RTN4: variants seen among roughly 807,000 people sequenced by gnomAD.
The protein encoded by RTN4 is reticulon-4.
A neutral mutation model predicts 90.4 loss-of-function variants in RTN4; 32 were observed. That is an observed-to-expected ratio of 0.35 (90% CI 0.27 to 0.48). The LOEUF is 0.48. Among genes scored for constraint, RTN4 ranks in the 20% least tolerant of loss-of-function variants. The pLI, the probability that RTN4 is intolerant of heterozygous loss-of-function variation, is 0.99. For missense variants in RTN4, 1,706 were observed against 1,430.2 expected (o/e 1.19, Z -3.11); for synonymous variants, 629 against 552.5 (o/e 1.14, Z -1.94).
chr2:55,044,026 T>A (rs2104952389), intron 1 of RTN4, among the ~76,000 whole-genome samples: 1 of 152,064 alleles, frequency 6.6e-6, no homozygotes, highest in East Asian at 1.9e-4. Flanking sequence ...CGAAACCCTA[T>A]CTGCACGAAA....
At chr2:55,032,342 G>C (rs1337655630) in intron 1 of RTN4, among the ~76,000 whole-genome samples, 1 of 152,122 alleles carries the variant, frequency 6.6e-6, no homozygotes, top group Non-Finnish European at 1.5e-5. Flanking sequence ...GCTTCCCAAA[G>C]TGCTGGAATT....
At chr2:54,984,745 C>T (rs1678412605) in intron 4 of RTN4, among the ~76,000 whole-genome samples, 1 of 152,148 alleles carries the variant, frequency 6.6e-6, no homozygotes, top group African/African-American at 2.4e-5. Flanking sequence ...AAAAACTGTC[C>T]AACAAGCTTA....
At position 55,027,123 on chromosome 2, in the gene RTN4, T is replaced by G. The variant is rs142398245; in HGVS notation, c.976A>C (p.Lys326Gln). The G allele has an allele frequency of 6.2e-7, 1 of 1,613,506 alleles. No homozygotes were observed. The highest frequency in any genetic ancestry group is 1.1e-5 in the South Asian group (1 of 91,064). ...AACTTCTCTTCTTCATCTTTATTTT[T>G]CACGATTATTTCTTCCCTAGGATTT... ...VANPREEIIV[K>Q]NKDEEEKLVS... is the part of the protein sequence containing the mutation. The change falls in exon 3 of 9, where the codon AAA becomes CAA. Residue 326 changes from lysine (K) to glutamine (Q), a missense_variant. Transcript: ENST00000337526.
upstream of RTN4, chr2:55,050,454 G>C: frequency 2.3e-6 from 1 of 434,770 alleles, no homozygotes; most frequent in Non-Finnish European, 4.0e-6. This position sits in a 1 kb window ranked among gnomAD's most constrained non-coding sequence, Gnocchi z 4.6. Flanking sequence ...GGAACAATGA[G>C]ACTGCTCCTC....
rs754880335 is a variant in RTN4 at position 55,025,406 on chromosome 2, C to T, written c.2693G>A (p.Ser898Asn). ...TCCATCCGGGGCATTAGCAATTTCA[C>T]TTTTGTGGGATACTTCTAGGTCAGT... ...EYTDLEVSHK[S>N]EIANAPDGAG... The change falls in exon 3 of 9, where the codon AGT (serine) becomes AAT (asparagine). Residue 898 changes from serine to asparagine, a missense_variant. Coordinates refer to ENST00000337526, the MANE Select transcript of RTN4 (RefSeq NM_020532.5). 6.2e-7 allele frequency: 1 copy of T among 1,613,908 alleles called. No individual in the cohort carries two copies.
chr2:54,999,324 T>C (rs1480924504), intron 3 of RTN4, among the ~76,000 whole-genome samples: 1 of 152,210 alleles, frequency 6.6e-6, no homozygotes, highest in Non-Finnish European at 1.5e-5. Flanking sequence ...TCATCTGCCA[T>C]AGCTAAAAAT....
At chr2:55,029,315 C>G (rs940305468) in intron 1 of RTN4, among the ~76,000 whole-genome samples, 1 of 152,114 alleles carries the variant, frequency 6.6e-6, no homozygotes, top group Non-Finnish European at 1.5e-5. Context: ...TATTTTGTTA[C>G]GGCAGCCCAA....
the RTN4 span, among the ~76,000 whole-genome samples, chr2:55,117,668 A>C: frequency 6.6e-6 from 1 of 152,254 alleles, no homozygotes. Flanking sequence ...AATATGCAAA[A>C]GAAACCAGAC....
intron 1 of RTN4, among the ~76,000 whole-genome samples, chr2:55,043,779 G>A (rs1573462959): frequency 1.3e-5 from 2 of 152,042 alleles, no homozygotes; most frequent in South Asian, 2.1e-4. Context: ...CCAGCTACTC[G>A]GGAGGCTGAG....
intron 1 of RTN4, among the ~76,000 whole-genome samples, chr2:55,032,558 G>T (rs1326052744): frequency 1.3e-5 from 2 of 151,772 alleles, no homozygotes; most frequent in Non-Finnish European, 2.9e-5. Context: ...GAGCTTAAAG[G>T]CAGATTAGAC....
At chr2:55,060,330 C>T (rs1668267463) in intron 2 of RTN4, among the ~76,000 whole-genome samples, 1 of 152,146 alleles carries the variant, frequency 6.6e-6, no homozygotes, top group African/African-American at 2.4e-5. Context: ...TGTTTCTTTG[C>T]AGTTCCATAG....
At position 55,026,200 on chromosome 2, in the gene RTN4, CTGT is replaced by C; in HGVS notation, c.1896_1898del (p.Ile632_Gln633delinsMet). The C allele has an allele frequency of 6.2e-7, 1 of 1,613,616 alleles. No individual in the cohort carries two copies. Among genetic ancestry groups the C allele is most frequent in the African/African-American group, 1.3e-5 (1 of 74,956 alleles). On this transcript the variant is annotated inframe_deletion, in exon 3 of 9. Coordinates refer to ENST00000337526, the MANE Select transcript of RTN4 (RefSeq NM_020532.5). ...AAGCTTCTAATGGTGATGAGCTGGG[CTGT>C]ATCACGGAAGCACCAGCACTAGGAA...
At chr2:54,993,110 T>C (rs1267646369) in intron 3 of RTN4, among the ~76,000 whole-genome samples, 1 of 149,494 alleles carries the variant, frequency 6.7e-6, no homozygotes, top group Non-Finnish European at 1.5e-5. Context: ...AAATTAAACA[T>C]ATAACTATGA....
At chr2:55,032,252 G>C (rs757146085) in intron 1 of RTN4, among the ~76,000 whole-genome samples, 5 of 152,020 alleles carry the variant, frequency 3.3e-5, no homozygotes, top group Non-Finnish European at 7.4e-5. Flanking sequence ...GCTAATTTTT[G>C]TGTTTTTAGT....
intron 2 of RTN4, among the ~76,000 whole-genome samples, chr2:55,073,914 C>G (rs1353819370): frequency 6.6e-6 from 1 of 152,192 alleles, no homozygotes; most frequent in Non-Finnish European, 1.5e-5. Context: ...GTATACCACC[C>G]ACAGCACCAC....
chr2:55,109,564 A>G (rs1177755542), intron 1 of RTN4, among the ~76,000 whole-genome samples: 14 of 152,184 alleles, frequency 9.2e-5, no homozygotes, highest in Admixed American at 9.2e-4. Context: ...AATATTTGTT[A>G]CTGATACTCA....
the RTN4 span, among the ~76,000 whole-genome samples, chr2:55,133,333 G>A: frequency 7.1e-6 from 1 of 140,940 alleles, no homozygotes; most frequent in African/African-American, 2.4e-5. Flanking sequence ...GGAGAATGCG[G>A]TGTTGTCTTT....
chr2:55,117,447 C>A (rs1256658519), upstream of RTN4, among the ~76,000 whole-genome samples: 1 of 152,218 alleles, frequency 6.6e-6, no homozygotes, highest in Non-Finnish European at 1.5e-5. Context: ...AAGTCCCAAT[C>A]CTGACTCGGC....
At chr2:55,111,845 T>TC (rs1441845490) in intron 1 of RTN4, among the ~76,000 whole-genome samples, 2 of 152,316 alleles carry the variant, frequency 1.3e-5, no homozygotes, top group Non-Finnish European at 2.9e-5. Flanking sequence ...CTATCCATCT[T>TC]CCCGAATGCT....
Sources: gnomAD v4.1 joint callset for allele counts (sites outside exome capture counted in the v4.1 genomes callset) on GRCh38, gnomAD v4.1.1 for gene constraint, Gnocchi (gnomAD v3.1) non-coding constraint, MANE v1.5 for transcripts, NCBI Gene and HGNC (gene_info 2026-07-23, HGNC 2026-07-21) for gene names.